SLC15A1: variants seen among roughly 807,000 people sequenced by gnomAD.
SLC15A1 encodes the protein Caco-2 oligopeptide transporter.
In SLC15A1, 83 loss-of-function variants were observed where a neutral mutation model predicts 92.9. The ratio of observed to expected loss-of-function variants is 0.89; its 90% CI spans 0.75 to 1.07. The LOEUF is 1.07. Among genes scored for constraint, SLC15A1 ranks in the 50% least tolerant of loss-of-function variants. The pLI, the probability that SLC15A1 is intolerant of heterozygous loss-of-function variation, is 0.00. For missense variants in SLC15A1, 857 were observed against 880.1 expected (o/e 0.97, Z 0.33); for synonymous variants, 322 against 318.2 (o/e 1.01, Z -0.13).
In SLC15A1 at chr13:98,706,160, T is replaced by C. The variant is rs766055261; in HGVS notation, c.1243A>G (p.Met415Val). 1.2e-6 allele frequency: 2 copies of C among 1,612,066 alleles called. No individual in the cohort carries two copies. Among genetic ancestry groups the C allele is most frequent in the African/African-American group, 2.7e-5 (2 of 74,956 alleles). ...NTMNISLPGE[M>V]VTLGPMSQTN... Reference sequence around the variant, plus strand: ...TGAGACATTGGGCCAAGTGTCACCATCTCTCCAGGAAGAGATATATTCATG... The same window carrying C: ...TGAGACATTGGGCCAAGTGTCACCACCTCTCCAGGAAGAGATATATTCATG... The change falls in exon 16 of 23, where the codon ATG becomes GTG. Residue 415 changes from methionine to valine, a missense_variant. Transcript: ENST00000376503.
intron 1 of SLC15A1, among the ~76,000 whole-genome samples, chr13:98,752,127 A>G (rs2088551562): frequency 6.6e-6 from 1 of 152,186 alleles, no homozygotes; most frequent in Non-Finnish European, 1.5e-5. Context: ...GGGGGCCACA[A>G]AGAGAGGCCC....
intron 1 of SLC15A1, among the ~76,000 whole-genome samples, chr13:98,738,890 C>A (rs540285919): frequency 6.6e-6 from 1 of 152,202 alleles, no homozygotes; most frequent in African/African-American, 2.4e-5. Flanking sequence ...CTTGCACTCT[C>A]AGCATATAAA....
Position 98,686,251 on chromosome 13 carries a change from G to A in SLC15A1, c.1874C>T (p.Thr625Ile). 6.2e-7 allele frequency: 1 copy of A among 1,613,604 alleles called. No homozygotes were observed. Residue 625 changes from threonine to isoleucine, a missense_variant, in exon 22 of 23, where the codon ACC becomes ATC. By Grantham distance (89) the Thr-to-Ile change is moderately conservative. Transcript: ENST00000376503. ...KSVLQAGWLL[T>I]VAVGNIIVLI... The stretch of plus-strand genomic sequence containing the variant: ...CACAATGATGTTGCCAACAGCCACG[G>A]TCAGCAGCCATCCTGCCTGAAGCAC...
chr13:98,706,159 A>C lies in SLC15A1; in HGVS notation c.1244T>G (p.Met415Arg). The change falls in exon 16 of 23, where the codon ATG (methionine) becomes AGG (arginine). Residue 415 changes from methionine (M) to arginine (R), a missense_variant. Met to Arg is a moderately conservative substitution (Grantham distance 91). Transcript: ENST00000376503. ...NTMNISLPGEMVTLGPMSQTN... is the reference protein window; with the variant it reads ...NTMNISLPGERVTLGPMSQTN... ...TTGAGACATTGGGCCAAGTGTCACC[A>C]TCTCTCCAGGAAGAGATATATTCAT... The C allele has an allele frequency of 1.2e-6, 2 of 1,612,146 alleles. No homozygotes were observed. The highest frequency in any genetic ancestry group is 1.7e-6 in the Non-Finnish European group (2 of 1,179,618).
intron 13 of SLC15A1, 35 bp downstream of exon 13, chr13:98,709,707 C>G (rs747765953): frequency 6.2e-7 from 1 of 1,614,146 alleles, no homozygotes; most frequent in Non-Finnish European, 8.5e-7. Flanking sequence ...TCAAAGACGA[C>G]TCTGATCCCT....
Position 98,684,558 on chromosome 13 carries a change from A to G in SLC15A1, c.*166T>C, listed in dbSNP as rs539323043. On this transcript the variant is annotated 3_prime_UTR_variant, in exon 23 of 23. Coordinates refer to ENST00000376503, the MANE Select transcript of SLC15A1 (RefSeq NM_005073.4). ...AAAACTCTGTCTCAAAAAAAAAAAA[A>G]AAAAAAAAAAGAAAAGAAAAAGAAA... 1 of 443,908 alleles carries G rather than the reference A, an allele frequency of 2.3e-6. No individual in the cohort carries two copies. The highest frequency in any genetic ancestry group is 3.6e-5 in the East Asian group (1 of 28,034). The allele number at this position is 443,908 out of a possible 1,614,324, so 27.5% of individuals were successfully genotyped here.
At chr13:98,716,656 T>C (rs1183534835) in intron 8 of SLC15A1, among the ~76,000 whole-genome samples, 1 of 152,152 alleles carries the variant, frequency 6.6e-6, no homozygotes, top group Non-Finnish European at 1.5e-5. Flanking sequence ...GGAGCTGTAA[T>C]CTTCTGAATG....
At chr13:98,693,087 G>GTTTT (rs55817470) in intron 18 of SLC15A1, among the ~76,000 whole-genome samples, 3 of 58,010 alleles carry the variant, frequency 5.2e-5, no homozygotes, top group Admixed American at 2.8e-4. Flanking sequence ...TATTGTCTAC[G>GTTTT]TTTTTTTTTT....
Position 98,726,989 on chromosome 13 carries a change from T to C in SLC15A1, c.5-130A>G, listed in dbSNP as rs1566454963. 1.1e-5 allele frequency: 9 copies of C among 788,278 alleles called. No individual in the cohort carries two copies. The East Asian group carries it at 1.2e-4, about 11-fold the overall frequency. The allele number at this position is 788,278 out of a possible 1,614,324, so 48.8% of individuals were successfully genotyped here. On this transcript the variant is annotated intron_variant, in intron 1 of 22. Transcript: ENST00000376503. Reference sequence around the variant, plus strand: ...TTCACCAAACAGCTCCAGCCCTCCCTGGGATCCCGGCCCCAGACTCATGCT... The same window carrying C: ...TTCACCAAACAGCTCCAGCCCTCCCCGGGATCCCGGCCCCAGACTCATGCT...
chr13:98,689,886 T>A (rs538244581), intron 18 of SLC15A1, among the ~76,000 whole-genome samples: 1 of 152,316 alleles, frequency 6.6e-6, no homozygotes, highest in Non-Finnish European at 1.5e-5. Context: ...AGGCTTCCTA[T>A]CTCTACAAAG....
chr13:98,702,473 T>C lies in SLC15A1; in HGVS notation c.1466+7A>G. 3 of 1,596,496 alleles carry C rather than the reference T, an allele frequency of 1.9e-6. No homozygotes were observed. Among genetic ancestry groups the C allele is most frequent in the Non-Finnish European group, 2.6e-6 (3 of 1,164,166 alleles). On this transcript the variant is annotated splice_region_variant and intron_variant, in intron 18 of 22. Coordinates refer to ENST00000376503, the MANE Select transcript of SLC15A1 (RefSeq NM_005073.4). ...ATAAAACTTAAATTTTAAAGAAATA[T>C]ACATACCTGATTCCATTTTCCCCTT...
chr13:98,688,284 T>C lies in SLC15A1; in HGVS notation c.1647A>G (p.Glu549=). The change falls in exon 20 of 23, where the codon GAA becomes GAG. Residue 549 remains glutamate, a synonymous_variant. Coordinates refer to ENST00000376503, the MANE Select transcript of SLC15A1 (RefSeq NM_005073.4). ...CTATATAGGTATAAGCACTACCAAA[T>C]TCAAGGTAGAAAGTATTGAAATTAG... is the stretch of plus-strand genomic sequence containing the variant. ...CQPNFNTFYL[E]FGSAYTYIVQ... is the part of the protein sequence containing the mutation. 1 of 1,613,958 alleles carries C rather than the reference T, an allele frequency of 6.2e-7. No individual in the cohort carries two copies. Among genetic ancestry groups the C allele is most frequent in the Non-Finnish European group, 8.5e-7 (1 of 1,179,888 alleles).
chr13:98,751,552 G>T (rs1327284474), intron 1 of SLC15A1, among the ~76,000 whole-genome samples: 1 of 152,204 alleles, frequency 6.6e-6, no homozygotes, highest in African/African-American at 2.4e-5. Context: ...AGCTGAGCTC[G>T]GCCACAGTCT....
In SLC15A1 at chr13:98,709,912, C is replaced by G; in HGVS notation, c.901-1G>C. The stretch of plus-strand genomic sequence containing the variant: ...TTGCCTGCAGTGTCCACCTGGAGCC[C>G]TTAAAAATGAATACATTTGCTGTAT... On this transcript the variant is annotated splice_acceptor_variant, in intron 11 of 22. Coordinates refer to ENST00000376503, the MANE Select transcript of SLC15A1 (RefSeq NM_005073.4). LOFTEE classifies it high-confidence loss of function. The G allele has an allele frequency of 6.2e-7, 1 of 1,614,076 alleles. No individual in the cohort carries two copies. Among genetic ancestry groups the G allele is most frequent in the Non-Finnish European group, 8.5e-7 (1 of 1,179,994 alleles).
intron 11 of SLC15A1, among the ~76,000 whole-genome samples, chr13:98,710,406 T>C (rs1217291271): frequency 6.6e-6 from 1 of 152,136 alleles, no homozygotes; most frequent in East Asian, 1.9e-4. Context: ...TCAACCTATT[T>C]CACAGTGAAA....
intron 1 of SLC15A1, among the ~76,000 whole-genome samples, chr13:98,736,566 G>A (rs2088396085): frequency 6.6e-6 from 1 of 152,106 alleles, no homozygotes; most frequent in Non-Finnish European, 1.5e-5. Flanking sequence ...CCAACAGAAT[G>A]GGAGAAAATG....
intron 9 of SLC15A1, among the ~76,000 whole-genome samples, chr13:98,713,231 A>AT (rs199760701): frequency 4.7e-5 from 7 of 148,730 alleles, no homozygotes; most frequent in Admixed American, 1.3e-4. Context: ...TAATGTTTTA[A>AT]TTTTTTTTTT....
At chr13:98,752,098 A>G (rs1453822973) in intron 1 of SLC15A1, among the ~76,000 whole-genome samples, 1 of 152,186 alleles carries the variant, frequency 6.6e-6, no homozygotes, top group Non-Finnish European at 1.5e-5. Context: ...AAGCCAGGGG[A>G]CAGTGCAGAG....
In SLC15A1 at chr13:98,684,888, A is replaced by G. The variant is rs371710388; in HGVS notation, c.1963T>C (p.Leu655=). The G allele has an allele frequency of 6.2e-7, 1 of 1,613,854 alleles. No individual in the cohort carries two copies. The highest frequency in any genetic ancestry group is 1.3e-5 in the African/African-American group (1 of 75,040). Residue 655 remains leucine (L), a synonymous_variant, in exon 23 of 23, where the codon TTG becomes CTG. Transcript: ENST00000376503. The stretch of plus-strand genomic sequence containing the variant: ...AAAATTACACAGACGACCAGAAGCA[A>G]CGCGGCAAATAGAATGTACTCGGCC... The part of the protein sequence containing the change: ...QWAEYILFAA[L]LLVVCVIFAI...
Sources: gnomAD v4.1 joint callset for allele counts (sites outside exome capture counted in the v4.1 genomes callset) on GRCh38, gnomAD v4.1.1 for gene constraint, MANE v1.5 for transcripts, NCBI Gene and HGNC (gene_info 2026-07-23, HGNC 2026-07-21) for gene names.